The following ARPIN variants were observed in gnomAD, a reference collection of about 807,000 sequenced individuals.
The protein encoded by ARPIN is UPF0552 protein C15orf38.
A neutral mutation model predicts 25.9 loss-of-function variants in ARPIN; 23 were observed. That is an observed-to-expected ratio of 0.89 (90% CI 0.64 to 1.26). The LOEUF (loss-of-function observed/expected upper bound fraction) is 1.26. Ranked by LOEUF, ARPIN falls within the 50% of genes most tolerant of loss-of-function variation. ARPIN has a pLI of 0.00. For missense variants in ARPIN, 333 were observed against 312.2 expected (o/e 1.07, Z -0.50); for synonymous variants, 126 against 131.4 (o/e 0.96, Z 0.28).
At chr15:89,908,844 G>A (rs1897174321) in intron 2 of ARPIN, among the ~76,000 whole-genome samples, 1 of 152,082 alleles carries the variant, frequency 6.6e-6, no homozygotes, top group Admixed American at 6.5e-5. Context: ...TTAGCCAGGT[G>A]TGGTGGCATG....
At chr15:89,907,870 A>C (rs1897150835) in intron 3 of ARPIN, among the ~76,000 whole-genome samples, 1 of 152,260 alleles carries the variant, frequency 6.6e-6, no homozygotes, top group African/African-American at 2.4e-5. Context: ...TCTATTGTTA[A>C]TAAATCACCC....
chr15:89,910,892 T>C (rs767359019), intron 1 of ARPIN, 73 bp from the exon 2 acceptor site: 6 of 1,259,914 alleles, frequency 4.8e-6, no homozygotes, highest in South Asian at 1.3e-5. Flanking sequence ...GTCTCCTATT[T>C]ACCCAGCCCT....
chr15:89,907,425 T>C (rs1897141026), intron 3 of ARPIN, among the ~76,000 whole-genome samples: 1 of 152,090 alleles, frequency 6.6e-6, no homozygotes, highest in East Asian at 1.9e-4. Context: ...ACCAATGTGA[T>C]AGTATTAAGA....
At chr15:89,908,529 A>T (rs1897167753) in intron 2 of ARPIN, 117 bp from the exon 3 acceptor site, 1 of 1,513,122 alleles carries the variant, frequency 6.6e-7, no homozygotes, top group African/African-American at 1.4e-5. Context: ...CCTCAGCTCC[A>T]AAAGATGTTC....
At chr15:89,901,911 A>C in intron 5 of ARPIN, 108 bp from the exon 6 acceptor site, 2 of 1,357,170 alleles carry the variant, frequency 1.5e-6, no homozygotes, top group Non-Finnish European at 1.0e-6. Context: ...TGTGGGGCCC[A>C]TGAGTGCTTG....
chr15:89,912,659 C>T, intron 1 of ARPIN, 85 bp downstream of exon 1: 1 of 1,161,518 alleles, frequency 8.6e-7, no homozygotes, highest in Non-Finnish European at 1.1e-6. Context: ...TTCCCCCACC[C>T]GCATCCCACC....
In ARPIN at chr15:89,902,576, T is replaced by G. The variant is rs1897040283; in HGVS notation, c.672+640A>C. On this transcript the variant is annotated intron_variant, in intron 5 of 5. Transcript: ENST00000357484. The stretch of plus-strand genomic sequence containing the variant: ...AAAATTAGCCAGGCGTGGTGATGCA[T>G]GCCTATAGTCCCAGCTACTTGGGAG... 2.0e-5 allele frequency among the ~76,000 whole-genome samples: 3 copies of G among 152,128 alleles called. No individual in the cohort carries two copies. In the South Asian group the frequency reaches 6.2e-4, roughly 31 times the overall value.
At chr15:89,901,846 G>T in intron 5 of ARPIN, 43 bp from the exon 6 acceptor site, 1 of 1,608,172 alleles carries the variant, frequency 6.2e-7, no homozygotes, top group South Asian at 1.1e-5. Flanking sequence ...GACAGCACAT[G>T]TCATAAACGT....
chr15:89,905,714 GT>G (rs1897108650), intron 3 of ARPIN, among the ~76,000 whole-genome samples: 1 of 152,026 alleles, frequency 6.6e-6, no homozygotes, highest in Non-Finnish European at 1.5e-5. Flanking sequence ...GGACCTTTCA[GT>G]GGCTCCATCT....
In ARPIN at chr15:89,901,134, AC is replaced by A. The variant is rs1209235801; in HGVS notation, c.*660del. 1.3e-5 allele frequency: 2 copies of A among 152,442 alleles called. No individual in the cohort carries two copies. Among genetic ancestry groups the A allele is most frequent in the African/African-American group, 4.8e-5 (2 of 41,424 alleles). The allele number at this position is 152,442 out of a possible 1,614,324, so 9.4% of individuals were successfully genotyped here. ...TGGCAACTCAAGGTAGGGGGAAGGT[AC>A]AAGGGACACGGAGGCTTGAAGCAGG... On this transcript the variant is annotated 3_prime_UTR_variant, in exon 6 of 6. Transcript: ENST00000357484.
chr15:89,907,929 C>T (rs73480052), intron 3 of ARPIN, among the ~76,000 whole-genome samples: 2,653 of 152,344 alleles, frequency 0.017, 57 homozygotes, highest in African/African-American at 0.05. Flanking sequence ...GACCCCAGAA[C>T]CAAAAGAGGA....
At chr15:89,901,931 CT>C (rs1186876035) in intron 5 of ARPIN, 128 bp from the exon 6 acceptor site, 1 of 1,044,200 alleles carries the variant, frequency 9.6e-7, no homozygotes, top group Non-Finnish European at 1.4e-6. Flanking sequence ...GCCTGGGCGC[CT>C]CATTAGAGCT....
Position 89,896,796 on chromosome 15 carries a change from G to C in ARPIN, c.*4999C>G, listed in dbSNP as rs1896937821. The C allele has an allele frequency of 6.6e-6, 1 of 152,140 alleles. No individual in the cohort carries two copies. The highest frequency in any genetic ancestry group is 2.4e-5 in the African/African-American group (1 of 41,398). The allele number at this position is 152,140 out of a possible 1,614,324, so 9.4% of individuals were successfully genotyped here. On this transcript the variant is annotated 3_prime_UTR_variant, in exon 6 of 6. Coordinates refer to ENST00000357484, the MANE Select transcript of ARPIN (RefSeq NM_182616.4). ...AAAAATGTTTAAGCTCACTATAAGT[G>C]GGGGAAAGGCAAATTAAAATATATT...
intron 1 of ARPIN, among the ~76,000 whole-genome samples, chr15:89,911,152 T>A (rs2141928637): frequency 6.6e-6 from 1 of 152,354 alleles, no homozygotes; most frequent in South Asian, 2.1e-4. Flanking sequence ...AGATCATGTG[T>A]GTGAAGGTGT....
chr15:89,912,913 G>GCGCGGGGACC lies in ARPIN; in HGVS notation c.-88_-79dup, dbSNP rs375982682. 5,200 of 1,415,070 alleles carry GCGCGGGGACC rather than the reference G, an allele frequency of 3.7e-3. 131 individuals carry two copies. The African/African-American group carries it at 0.058, about 16-fold the overall frequency. The allele number at this position is 1,415,070 out of a possible 1,614,324, so 87.7% of individuals were successfully genotyped here. ...CGCGGCGCGGGAAGTGCTGCAGGACGCGCGGGGACCCGCGATTCCCAGCCG... is the reference window on the plus strand; with the variant it reads ...CGCGGCGCGGGAAGTGCTGCAGGACGCGCGGGGACCCGCGGGGACCCGCGATTCCCAGCCG... On this transcript the variant is annotated 5_prime_UTR_variant, in exon 1 of 6. Transcript: ENST00000357484.
intron 5 of ARPIN, 104 bp from the exon 6 acceptor site, chr15:89,901,907 G>T (rs1456982719): frequency 7.3e-6 from 10 of 1,365,822 alleles, no homozygotes; most frequent in Non-Finnish European, 1.0e-5. Flanking sequence ...TACCTGTGGG[G>T]CCCATGAGTG....
intron 1 of ARPIN, chr15:89,912,526 G>A: frequency 7.7e-7 from 1 of 1,305,166 alleles, no homozygotes; most frequent in Non-Finnish European, 9.7e-7. Flanking sequence ...AGGCGGACAG[G>A]CGGGGAGCTT....
intron 2 of ARPIN, among the ~76,000 whole-genome samples, 193 bp from the exon 3 acceptor site, chr15:89,908,605 C>T (rs911909957): frequency 1.3e-5 from 2 of 152,160 alleles, no homozygotes; most frequent in African/African-American, 4.8e-5. Context: ...AGAGCACCTG[C>T]CGCATATAAT....
At position 89,901,127 on chromosome 15, in the gene ARPIN, G is replaced by A. The variant is rs999448479; in HGVS notation, c.*668C>T. 3 of 152,388 alleles carry A rather than the reference G, an allele frequency of 2.0e-5. No homozygotes were observed. Among genetic ancestry groups the A allele is most frequent in the Non-Finnish European group, 4.4e-5 (3 of 68,190 alleles). The allele number at this position is 152,388 out of a possible 1,614,324, so 9.4% of individuals were successfully genotyped here. ...AAAGAACTGGCAACTCAAGGTAGGG[G>A]GAAGGTACAAGGGACACGGAGGCTT... On this transcript the variant is annotated 3_prime_UTR_variant, in exon 6 of 6. Coordinates refer to ENST00000357484, the MANE Select transcript of ARPIN (RefSeq NM_182616.4).
Sources: gnomAD v4.1 joint callset for allele counts (sites outside exome capture counted in the v4.1 genomes callset) on GRCh38, gnomAD v4.1.1 for gene constraint, MANE v1.5 for transcripts, NCBI Gene and HGNC (gene_info 2026-07-23, HGNC 2026-07-21) for gene names.